The following RGS7 variants were observed in gnomAD, a reference collection of about 807,000 sequenced individuals.
RGS7 encodes regulator of G-protein signaling 7.
In RGS7, 27 loss-of-function variants were observed where a neutral mutation model predicts 81.1. That is an observed-to-expected ratio of 0.33 (90% CI 0.25 to 0.46). The LOEUF (loss-of-function observed/expected upper bound fraction) is 0.46, where lower values mean the gene tolerates loss of function less well. RGS7 is among the 20% of genes least tolerant of loss of function. The probability of loss-of-function intolerance (pLI) is 1.00; values close to 1 mark genes in which losing one functional copy is unlikely to be tolerated. For missense variants in RGS7, 396 were observed against 607.4 expected, an observed-to-expected ratio of 0.65 and a Z score of 3.66; for synonymous variants, 208 against 207.7, an observed-to-expected ratio of 1.00 and a Z score of -0.01.
At chr1:241,101,513 A>G (rs189844533) in intron 2 of RGS7, among the ~76,000 whole-genome samples, 193 of 152,144 alleles carry the variant, frequency 1.3e-3, no homozygotes, top group Non-Finnish European at 2.2e-3. Flanking sequence ...AAAAATAAAT[A>G]AATAAATAAA....
chr1:240,893,222 A>G (rs1481570983), intron 6 of RGS7, among the ~76,000 whole-genome samples: 2 of 152,222 alleles, frequency 1.3e-5, no homozygotes, highest in Non-Finnish European at 1.5e-5. Flanking sequence ...TGAGTCTTAA[A>G]GGACCTAGAG....
chr1:240,994,589 G>A (rs561931635), intron 3 of RGS7, among the ~76,000 whole-genome samples: 117 of 151,982 alleles, frequency 7.7e-4, no homozygotes, highest in African/African-American at 2.7e-3. Context: ...GGATTTAACA[G>A]GTAAATATAA....
chr1:240,825,802 G>C (rs1366440465), intron 10 of RGS7, among the ~76,000 whole-genome samples: 1 of 152,196 alleles, frequency 6.6e-6, no homozygotes, highest in Non-Finnish European at 1.5e-5. Context: ...GATCTATACT[G>C]AATATGGTGC....
rs145268732 is a variant in RGS7, at chr1:241,203,495, G to C, written c.79-104733C>G. ...TCTGCCCACCTCGGGCTCCCAAAGT[G>C]CTGGGATTACAGGTGTGAGCCACCG... On this transcript the variant is annotated intron_variant, in intron 2 of 18. Transcript: ENST00000440928. Among the ~76,000 whole-genome samples, 104 of 152,264 alleles carry C rather than the reference G, an allele frequency of 6.8e-4. 1 individual carries two copies. The East Asian group carries it at 0.019, about 28-fold the overall frequency.
chr1:240,837,451 TG>T (rs1694907027), intron 9 of RGS7, among the ~76,000 whole-genome samples: 1 of 152,240 alleles, frequency 6.6e-6, no homozygotes, highest in Non-Finnish European at 1.5e-5. Context: ...GTTGGCATAT[TG>T]GGTACTTTTA....
At chr1:241,272,245 G>A (rs543935233) in intron 2 of RGS7, among the ~76,000 whole-genome samples, 2 of 151,942 alleles carry the variant, frequency 1.3e-5, no homozygotes, top group African/African-American at 2.4e-5. Context: ...CACCCACCTC[G>A]GCCTCCCAAA....
rs544707005 is a variant in RGS7, at chr1:241,271,828, C to A, written c.78+83871G>T. 1.1e-4 allele frequency among the ~76,000 whole-genome samples: 16 copies of A among 151,944 alleles called. No homozygotes were observed. In the South Asian group the frequency reaches 1.2e-3, roughly 12 times the overall value. On this transcript the variant is annotated intron_variant, in intron 2 of 18. Transcript: ENST00000440928. This position sits in a 1 kb window ranked among gnomAD's most constrained non-coding sequence, Gnocchi z 4.6. The stretch of plus-strand genomic sequence containing the variant: ...ACCAACTTCCCTGGCCTCCAGCTTG[C>A]AGATAGCAGATTATGGGACTTAACC...
At chr1:241,273,176 C>T (rs1253669096) in intron 2 of RGS7, among the ~76,000 whole-genome samples, 1 of 12,088 alleles carries the variant, frequency 8.3e-5, no homozygotes, top group African/African-American at 3.3e-4. Flanking sequence ...TAATAATGAA[C>T]CCCCCCCCCC....
In RGS7 at chr1:241,070,612, A is replaced by G. The variant is rs142614734; in HGVS notation, c.175+28054T>C. ...AGAGCTGGGTGGAGCTAAGCCTGAAACAGATGATGGCTACACTACACTGCA... is the reference window on the plus strand; with the variant it reads ...AGAGCTGGGTGGAGCTAAGCCTGAAGCAGATGATGGCTACACTACACTGCA... On this transcript the variant is annotated intron_variant, in intron 3 of 18. Coordinates refer to ENST00000440928, the MANE Select transcript of RGS7 (RefSeq NM_001364886.1). Among the ~76,000 whole-genome samples the G allele has an allele frequency of 1.4e-3, 211 of 152,302 alleles. 1 individual carries two copies. Among genetic ancestry groups the G allele is most frequent in the African/African-American group, 4.8e-3 (198 of 41,572 alleles).
chr1:240,925,168 G>A (rs1442151499), intron 6 of RGS7, among the ~76,000 whole-genome samples: 1 of 152,016 alleles, frequency 6.6e-6, no homozygotes, highest in Non-Finnish European at 1.5e-5. Flanking sequence ...GTGCAGGTTT[G>A]TTACATGGGT....
chr1:241,015,395 G>A (rs1468216873), intron 3 of RGS7, among the ~76,000 whole-genome samples: 2 of 152,044 alleles, frequency 1.3e-5, no homozygotes, highest in African/African-American at 4.8e-5. Context: ...TTTCTTGGTT[G>A]CTAATGTTTT....
chr1:241,195,664 T>C (rs1389755563), intron 2 of RGS7, among the ~76,000 whole-genome samples: 2 of 151,720 alleles, frequency 1.3e-5, no homozygotes, highest in African/African-American at 2.4e-5. Context: ...CAAAAAATTA[T>C]AAAAACAAAG....
At chr1:240,887,111 A>C (rs1298213413) in intron 6 of RGS7, among the ~76,000 whole-genome samples, 1 of 152,186 alleles carries the variant, frequency 6.6e-6, no homozygotes. Context: ...TAATGTATGG[A>C]ATTACTAGAT....
chr1:241,160,125 A>AAAAAAAAG (rs1553271928), intron 2 of RGS7, among the ~76,000 whole-genome samples: 5 of 141,416 alleles, frequency 3.5e-5, no homozygotes, highest in Admixed American at 7.2e-5. Flanking sequence ...AAAAAAAAAA[A>AAAAAAAAG]AAAAAGAAAA....
intron 2 of RGS7, among the ~76,000 whole-genome samples, chr1:241,293,369 T>C (rs182061616): frequency 1.3e-5 from 2 of 152,334 alleles, no homozygotes; most frequent in Admixed American, 1.3e-4. Flanking sequence ...TTTACTTACG[T>C]AAGTAGAAGT....
chr1:241,284,896 A>C (rs1392880716), intron 2 of RGS7, among the ~76,000 whole-genome samples: 1 of 151,370 alleles, frequency 6.6e-6, no homozygotes, highest in Non-Finnish European at 1.5e-5. Flanking sequence ...TTTGAGATGG[A>C]GTCTCCCTCT....
intron 3 of RGS7, among the ~76,000 whole-genome samples, chr1:241,000,734 G>GCCT (rs892886371): frequency 2.6e-5 from 4 of 151,342 alleles, no homozygotes; most frequent in Non-Finnish European, 5.9e-5. Context: ...GCAAACCTCT[G>GCCT]CCTCCTGGGT....
intron 5 of RGS7, among the ~76,000 whole-genome samples, chr1:240,935,744 T>C (rs1025117586): frequency 8.5e-5 from 13 of 152,222 alleles, no homozygotes; most frequent in African/African-American, 2.4e-4. Flanking sequence ...TATTCAGTCA[T>C]TTATGTAGAC....
intron 2 of RGS7, among the ~76,000 whole-genome samples, chr1:241,225,674 T>C (rs2075275631): frequency 6.6e-6 from 1 of 152,192 alleles, no homozygotes; most frequent in Non-Finnish European, 1.5e-5. Flanking sequence ...GCTTCTCTTT[T>C]GAGCATATAA....
Sources: gnomAD v4.1 joint callset for allele counts (sites outside exome capture counted in the v4.1 genomes callset) on GRCh38, gnomAD v4.1.1 for gene constraint, Gnocchi (gnomAD v3.1) non-coding constraint, MANE v1.5 for transcripts, NCBI Gene and HGNC (gene_info 2026-07-23, HGNC 2026-07-21) for gene names.